NPPC: variants seen among roughly 807,000 people sequenced by gnomAD.
NPPC encodes the protein natriuretic peptide C.
A neutral mutation model predicts 10.2 loss-of-function variants in NPPC; 4 were observed. The observed-to-expected ratio is 0.39, with a 90% CI of 0.19 to 0.90. The LOEUF (loss-of-function observed/expected upper bound fraction) is 0.90. NPPC is among the 40% of genes least tolerant of loss of function. The pLI is 0.37. For missense variants in NPPC, 182 were observed against 173.8 expected (o/e 1.05, Z -0.26); for synonymous variants, 83 against 87.3 (o/e 0.95, Z 0.27).
In NPPC at chr2:231,925,559, C is replaced by T. The variant is rs80265630; in HGVS notation, c.247G>A (p.Ala83Thr). ...TCTTGCAGAAGGCGAGCCCACGCTG[C>T]CCGCGACTTGGTGTCCACGCGCAGG... ...RDLRVDTKSR[A>T]AWARLLQEHP... Residue 83 changes from alanine to threonine, a missense_variant, in exon 2 of 3, where the codon GCA becomes ACA. Ala to Thr is a moderately conservative substitution (Grantham distance 58, BLOSUM62 0). Transcript: ENST00000409852. The T allele has an allele frequency of 4.0e-5, 64 of 1,612,532 alleles. No individual in the cohort carries two copies. In the South Asian group the frequency reaches 6.7e-4, roughly 17 times the overall value.
rs1574750887 is a variant in NPPC at position 231,925,312 on chromosome 2, G to A, written c.*20+93C>T. 3.6e-6 allele frequency: 4 copies of A among 1,118,106 alleles called. No individual in the cohort carries two copies. The East Asian group carries it at 9.5e-5, about 27-fold the overall frequency. The allele number at this position is 1,118,106 out of a possible 1,614,324, so 69.3% of individuals were successfully genotyped here. On this transcript the variant is annotated intron_variant, in intron 2 of 2. Transcript: ENST00000409852. ...GGCTGGCAAACGCCTAGCACAACTT[G>A]AGCAAAGGCGGCTCGCGCGCCTCCG... is the stretch of plus-strand genomic sequence containing the variant.
intron 2 of NPPC, 130 bp downstream of exon 2, chr2:231,925,275 A>T: frequency 1.4e-6 from 1 of 715,078 alleles, no homozygotes; most frequent in Non-Finnish European, 2.1e-6. Flanking sequence ...AAAGTGGGAT[A>T]ATAAAGGGGG....
rs745708506 is a variant in NPPC, at chr2:231,925,683, G to A, written c.123C>T (p.Ala41=). ...VPRTPPAEEL[A]EPQAAGGGQK... is the part of the protein sequence containing the mutation. ...GACCGCCGCCCGCAGCCTGCGGCTC[G>A]GCCAGCTCCTCTGCCGGCGGGGTTC... Residue 41 remains alanine, a synonymous_variant, in exon 2 of 3, where the codon GCC becomes GCT. Transcript: ENST00000409852. 6.3e-7 allele frequency: 1 copy of A among 1,590,172 alleles called. No homozygotes were observed.
rs200405363 is a variant in NPPC, at chr2:231,925,452, G to C, written c.354C>G (p.Ile118Met). ...AACATCCCAGGCCGCTCATGGAGCCGATTCGGTCCAGCTTGAGGCCGAAGC... is the reference window on the plus strand; with the variant it reads ...AACATCCCAGGCCGCTCATGGAGCCCATTCGGTCCAGCTTGAGGCCGAAGC... ...KGCFGLKLDR[I>M]GSMSGLGC The change falls in exon 2 of 3, where the codon ATC becomes ATG. Residue 118 changes from isoleucine (I) to methionine (M), a missense_variant. Ile to Met is a conservative substitution (Grantham distance 10). Coordinates refer to ENST00000409852, the MANE Select transcript of NPPC (RefSeq NM_024409.4). 6.2e-7 allele frequency: 1 copy of C among 1,609,468 alleles called. No individual in the cohort carries two copies. The highest frequency in any genetic ancestry group is 8.5e-7 in the Non-Finnish European group (1 of 1,178,126).
At chr2:231,923,837 C>G (rs1295912134) in intron 2 of NPPC, among the ~76,000 whole-genome samples, 1 of 152,236 alleles carries the variant, frequency 6.6e-6, no homozygotes, top group African/African-American at 2.4e-5. Flanking sequence ...AGGTACGAAC[C>G]AATGGAGAGT....
In NPPC at chr2:231,926,174, C is replaced by G. The variant is rs201413923; in HGVS notation, c.76G>C (p.Gly26Arg). The G allele has an allele frequency of 4.6e-4, 596 of 1,301,274 alleles. 3 individuals carry two copies. In the African/African-American group the frequency reaches 8.4e-3, roughly 18 times the overall value. The allele number at this position is 1,301,274 out of a possible 1,614,324, so 80.6% of individuals were successfully genotyped here. ...ACAGCACCCACCTTCGGCGGCGCCC[C>G]GGGCTTGGCTTCGGAGGGCCGGAGG... ...LSLRPSEAKP[G>R]APPKVPRTPP... The change falls in exon 1 of 3, where the codon GGG becomes CGG. Residue 26 changes from glycine to arginine, a missense_variant. Coordinates refer to ENST00000409852, the MANE Select transcript of NPPC (RefSeq NM_024409.4).
intron 2 of NPPC, among the ~76,000 whole-genome samples, chr2:231,923,457 C>T (rs1691957563): frequency 6.6e-6 from 1 of 152,196 alleles, no homozygotes; most frequent in South Asian, 2.1e-4. Flanking sequence ...AGTGATATAT[C>T]CTGGGCATCG....
intron 2 of NPPC, among the ~76,000 whole-genome samples, chr2:231,923,573 A>C (rs959697689): frequency 1.3e-5 from 2 of 152,180 alleles, no homozygotes; most frequent in Admixed American, 6.5e-5. Flanking sequence ...TAATAAATCC[A>C]CACCGCCCTT....
At chr2:231,923,637 C>T (rs1385310772) in intron 2 of NPPC, among the ~76,000 whole-genome samples, 1 of 152,146 alleles carries the variant, frequency 6.6e-6, no homozygotes, top group Non-Finnish European at 1.5e-5. Context: ...TTGAAGGTGT[C>T]GACGGTAAGT....
chr2:231,924,595 G>T (rs1195364605), intron 2 of NPPC, among the ~76,000 whole-genome samples: 5 of 152,118 alleles, frequency 3.3e-5, no homozygotes, highest in Non-Finnish European at 5.9e-5. Context: ...AAAGAGGAGA[G>T]GTGAGGCTCT....
At chr2:231,926,113 G>C in intron 1 of NPPC, 47 bp downstream of exon 1, 1 of 1,225,606 alleles carries the variant, frequency 8.2e-7, no homozygotes, top group Non-Finnish European at 1.0e-6. Context: ...CAAGCCCCCA[G>C]CCTCCCACGC....
At position 231,926,202 on chromosome 2, in the gene NPPC, G is replaced by A; in HGVS notation, c.48C>T (p.Leu16=). ...GCTTGGCTTCGGAGGGCCGGAGGGAGAGCAGCGTGAGCAGCAGGGCGCAGG... is the reference window on the plus strand; with the variant it reads ...GCTTGGCTTCGGAGGGCCGGAGGGAAAGCAGCGTGAGCAGCAGGGCGCAGG... ...LLACALLLTL[L]SLRPSEAKPG... Residue 16 remains leucine, a synonymous_variant, in exon 1 of 3, where the codon CTC becomes CTT. Transcript: ENST00000409852. 7.5e-7 allele frequency: 1 copy of A among 1,331,788 alleles called. No individual in the cohort carries two copies. Among genetic ancestry groups the A allele is most frequent in the Non-Finnish European group, 9.6e-7 (1 of 1,037,936 alleles). The allele number at this position is 1,331,788 out of a possible 1,614,324, so 82.5% of individuals were successfully genotyped here. A position where few individuals can be genotyped will look rare whatever the true frequency, so the allele number is the denominator to read the frequency against.
Position 231,925,664 on chromosome 2 carries a change from C to G in NPPC, c.142G>C (p.Gly48Arg), listed in dbSNP as rs528456765. ...GCCTTGTCGCCCTTCTTCTGACCGC[C>G]GCCCGCAGCCTGCGGCTCGGCCAGC... ...EELAEPQAAGGGQKKGDKAPG... is the reference protein window; with the variant it reads ...EELAEPQAAGRGQKKGDKAPG... The change falls in exon 2 of 3, where the codon GGC becomes CGC. Residue 48 changes from glycine to arginine, a missense_variant. By Grantham distance (125) the Gly-to-Arg change is moderately radical. Transcript: ENST00000409852. 6.2e-7 allele frequency: 1 copy of G among 1,600,668 alleles called. No homozygotes were observed. The highest frequency in any genetic ancestry group is 8.5e-7 in the Non-Finnish European group (1 of 1,175,898).
chr2:231,924,681 G>A (rs1691974780), intron 2 of NPPC, among the ~76,000 whole-genome samples: 1 of 152,216 alleles, frequency 6.6e-6, no homozygotes, highest in Admixed American at 6.5e-5. Flanking sequence ...CCCTAGTGCG[G>A]GGTGAGACCC....
intron 2 of NPPC, among the ~76,000 whole-genome samples, chr2:231,925,189 G>A (rs942528210): frequency 1.3e-5 from 2 of 152,222 alleles, no homozygotes; most frequent in African/African-American, 4.8e-5. Flanking sequence ...GAAGCCAGGT[G>A]GGTTCAACCA....
At chr2:231,925,782 A>T in intron 1 of NPPC, 67 bp from the exon 2 acceptor site, 1 of 1,406,450 alleles carries the variant, frequency 7.1e-7, no homozygotes, top group Non-Finnish European at 9.2e-7. Context: ...CTGATGCTCC[A>T]GCCCCACGCG....
intron 2 of NPPC, among the ~76,000 whole-genome samples, chr2:231,924,216 A>G (rs139007533): frequency 6.6e-6 from 1 of 152,358 alleles, no homozygotes; most frequent in Non-Finnish European, 1.5e-5. Context: ...TTCGGGGTGC[A>G]GTGGGTCCTA....
At chr2:231,925,822 C>T in intron 1 of NPPC, 107 bp from the exon 2 acceptor site, 1 of 1,284,368 alleles carries the variant, frequency 7.8e-7, no homozygotes, top group Non-Finnish European at 1.0e-6. Flanking sequence ...CCTCCCAAGC[C>T]CAGAGCCGCC....
rs746282446 is a variant in NPPC, at chr2:231,922,101, T to A, written c.*235A>T. On this transcript the variant is annotated 3_prime_UTR_variant, in exon 3 of 3. Transcript: ENST00000409852. ...ATGTATATAATATATATATAATATATAACTTTTTATTTTTCATTTTAAAAA... is the reference window on the plus strand; with the variant it reads ...ATGTATATAATATATATATAATATAAAACTTTTTATTTTTCATTTTAAAAA... 1 of 150,728 alleles carries A rather than the reference T, an allele frequency of 6.6e-6. No individual in the cohort carries two copies. The highest frequency in any genetic ancestry group is 1.5e-5 in the Non-Finnish European group (1 of 67,732). The allele number at this position is 150,728 out of a possible 1,614,324, so 9.3% of individuals were successfully genotyped here.
Sources: allele counts gnomAD v4.1 joint callset (sites outside exome capture counted in the v4.1 genomes callset), GRCh38; gene constraint gnomAD v4.1.1; transcripts MANE v1.5; gene names NCBI Gene and HGNC (gene_info 2026-07-23, HGNC 2026-07-21).